NID1: variants seen among roughly 807,000 people sequenced by gnomAD.
NID1 encodes the protein nidogen 1.
Under a neutral mutation model 130.6 loss-of-function variants are expected in NID1, and 76 were observed. That is an observed-to-expected ratio of 0.58 (90% CI 0.48 to 0.70). The LOEUF is 0.70. Among genes scored for constraint, NID1 ranks in the 30% least tolerant of loss-of-function variants. The pLI is 0.00. For synonymous variants in NID1, 665 were observed against 675.1 expected (o/e 0.98, Z 0.23); for missense variants, 1,517 against 1,664.8 (o/e 0.91, Z 1.54).
chr1:236,055,849 A>G (rs1158557469), intron 1 of NID1, among the ~76,000 whole-genome samples: 1 of 152,178 alleles, frequency 6.6e-6, no homozygotes, highest in African/African-American at 2.4e-5. Context: ...ACAAAAGTGT[A>G]TAAGTTTAGG....
chr1:236,045,450 A>G lies in NID1; in HGVS notation c.752+7T>C. The G allele has an allele frequency of 1.3e-6, 2 of 1,597,916 alleles. No individual in the cohort carries two copies. Among genetic ancestry groups the G allele is most frequent in the Non-Finnish European group, 1.7e-6 (2 of 1,165,392 alleles). On this transcript the variant is annotated splice_region_variant and intron_variant, in intron 3 of 19. Transcript: ENST00000264187. ...GGAGAATCTACTGAAGAACAAAGAA[A>G]GCATACTTGGCCAAATTTTCAACTG...
At chr1:236,048,350 T>C (rs1659670651) in intron 2 of NID1, among the ~76,000 whole-genome samples, 1 of 151,362 alleles carries the variant, frequency 6.6e-6, no homozygotes, top group Non-Finnish European at 1.5e-5. Context: ...AAAAGAAAAA[T>C]AAATAAATAA....
chr1:236,008,866 G>A (rs879280854), intron 12 of NID1, among the ~76,000 whole-genome samples: 2 of 151,880 alleles, frequency 1.3e-5, no homozygotes, highest in African/African-American at 2.4e-5. Flanking sequence ...GGGTTTCTCC[G>A]TGTTGGTCAG....
chr1:235,982,044 C>T (rs1217618735), intron 15 of NID1, among the ~76,000 whole-genome samples: 3 of 152,178 alleles, frequency 2.0e-5, no homozygotes, highest in African/African-American at 7.2e-5. Flanking sequence ...AGCCGAGGCC[C>T]AGTTTTCCAT....
intron 19 of NID1, 46 bp from the exon 20 acceptor site, chr1:235,978,034 C>A: frequency 6.3e-7 from 1 of 1,599,160 alleles, no homozygotes; most frequent in Non-Finnish European, 8.5e-7. Context: ...TCTGATCTGA[C>A]TCCATAGCCA....
At chr1:236,048,599 A>G (rs1441594075) in intron 2 of NID1, 91 bp downstream of exon 2, 6 of 1,385,518 alleles carry the variant, frequency 4.3e-6, no homozygotes, top group Non-Finnish European at 5.8e-6. Context: ...AATGGTGTAT[A>G]ACTTATGTCA....
At chr1:236,027,867 AC>A (rs1158074553) in intron 7 of NID1, among the ~76,000 whole-genome samples, 5 of 152,100 alleles carry the variant, frequency 3.3e-5, no homozygotes, top group African/African-American at 7.2e-5. Context: ...AACAAAAAAA[AC>A]GAAGGGATTC....
intron 6 of NID1, among the ~76,000 whole-genome samples, chr1:236,031,126 CT>C (rs199921866): frequency 2.5e-4 from 37 of 148,026 alleles, no homozygotes; most frequent in South Asian, 4.3e-4. Context: ...TTCTTTTTTT[CT>C]TTTTTTTTTA....
chr1:236,058,455 T>C (rs764339218), intron 1 of NID1, among the ~76,000 whole-genome samples: 22 of 152,234 alleles, frequency 1.4e-4, no homozygotes, highest in Middle Eastern at 3.4e-3. Flanking sequence ...AAGCACCACA[T>C]GGGTAACAGC....
chr1:235,993,778 G>C lies in NID1; in HGVS notation c.2622C>G (p.Phe874Leu), dbSNP rs151147666. The stretch of plus-strand genomic sequence containing the variant: ...GCCCGTGCGCATCGCACTCAGGAAC[G>C]AACAGCCCCGGAGGAATGGGTCGCT... ...DPQRPIPPGL[F>L]VPECDAHGHY... The change falls in exon 13 of 20, where the codon TTC becomes TTG. Residue 874 changes from phenylalanine (F) to leucine (L), a missense_variant. Transcript: ENST00000264187. The C allele has an allele frequency of 6.2e-7, 1 of 1,614,130 alleles. No homozygotes were observed. The highest frequency in any genetic ancestry group is 1.1e-5 in the South Asian group (1 of 91,084).
At chr1:235,978,397 G>A (rs142032967) in intron 19 of NID1, among the ~76,000 whole-genome samples, 65 of 152,306 alleles carry the variant, frequency 4.3e-4, no homozygotes, top group African/African-American at 1.3e-3. Context: ...GAGGGGAGAG[G>A]CCTTCAAGAG....
At chr1:236,025,694 C>G (rs931434885) in intron 8 of NID1, among the ~76,000 whole-genome samples, 1 of 152,184 alleles carries the variant, frequency 6.6e-6, no homozygotes, top group Non-Finnish European at 1.5e-5. Flanking sequence ...GATAGAATCA[C>G]GAATAGGCCT....
intron 8 of NID1, among the ~76,000 whole-genome samples, chr1:236,024,473 A>G (rs1024545877): frequency 6.6e-6 from 1 of 152,254 alleles, no homozygotes; most frequent in African/African-American, 2.4e-5. Context: ...TTGTGCTACC[A>G]CGGCAGAGCT....
intron 5 of NID1, among the ~76,000 whole-genome samples, chr1:236,037,668 A>AAC (rs35334317): frequency 0.22 from 33,239 of 151,690 alleles, 4,011 homozygotes; most frequent in Non-Finnish European, 0.27. Flanking sequence ...AAGAAAAAAA[A>AAC]AAACATAGGT....
At position 236,001,038 on chromosome 1, in the gene NID1, G is replaced by A. The variant is rs111981511; in HGVS notation, c.2528-7166C>T. ...ACACGGGTTCTGAGCATGCACCTCT[G>A]GGACACACATCTCTGGACAAGGTCA... On this transcript the variant is annotated intron_variant, in intron 12 of 19. Transcript: ENST00000264187. Among the ~76,000 whole-genome samples the A allele has an allele frequency of 1.9e-3, 284 of 152,150 alleles. 1 individual carries two copies. The highest frequency in any genetic ancestry group is 6.7e-3 in the African/African-American group (278 of 41,504).
intron 12 of NID1, among the ~76,000 whole-genome samples, chr1:236,000,893 C>T (rs570791566): frequency 3.3e-5 from 5 of 152,252 alleles, no homozygotes; most frequent in Non-Finnish European, 2.9e-5. Flanking sequence ...AGACGACATG[C>T]AACCGTGGGA....
chr1:236,048,346 A>AAAAT (rs34843286), intron 2 of NID1, among the ~76,000 whole-genome samples: 30,791 of 151,176 alleles, frequency 0.2, 3,769 homozygotes, highest in East Asian at 0.33. Flanking sequence ...AAAAAAAAGA[A>AAAAT]AAATAAATAA....
rs573754065 is a variant in NID1 at position 235,991,091 on chromosome 1, C to T, written c.2756-33G>A. 55 of 1,537,766 alleles carry T rather than the reference C, an allele frequency of 3.6e-5. No individual in the cohort carries two copies. Among genetic ancestry groups the T allele is most frequent in the South Asian group, 1.0e-4 (8 of 78,224 alleles). ...GCAGAGGGGGTCAGTGAGGGAGGCC[C>T]GTGTGCACCAGGAACACACAGATGC... is the stretch of plus-strand genomic sequence containing the variant. On this transcript the variant is annotated intron_variant, in intron 13 of 19. Transcript: ENST00000264187.
At chr1:236,026,959 T>C (rs1558438287) in intron 7 of NID1, among the ~76,000 whole-genome samples, 1 of 152,048 alleles carries the variant, frequency 6.6e-6, no homozygotes, top group Non-Finnish European at 1.5e-5. Context: ...CAGGCTGGTC[T>C]TGAACTCCTG....
Sources: allele counts gnomAD v4.1 joint callset (sites outside exome capture counted in the v4.1 genomes callset), GRCh38; gene constraint gnomAD v4.1.1; transcripts MANE v1.5; gene names NCBI Gene and HGNC (gene_info 2026-07-23, HGNC 2026-07-21).